CDC26: variants seen among roughly 807,000 people sequenced by gnomAD.
CDC26 encodes anaphase-promoting complex subunit CDC26.
Under a neutral mutation model 8.0 loss-of-function variants are expected in CDC26, and 2 were observed. That is an observed-to-expected ratio of 0.25 (90% CI 0.10 to 0.79). The LOEUF (loss-of-function observed/expected upper bound fraction) is 0.79, where lower values mean the gene tolerates loss of function less well. Among genes scored for constraint, CDC26 ranks in the 30% least tolerant of loss-of-function variants. CDC26 has a pLI of 0.70. For synonymous variants in CDC26, 19 were observed against 34.9 expected, an observed-to-expected ratio of 0.55 and a Z score of 1.60; for missense variants, 68 against 106.0, an observed-to-expected ratio of 0.64 and a Z score of 1.57.
At chr9:113,267,745 T>C (rs1188253299) in intron 3 of CDC26, among the ~76,000 whole-genome samples, 2 of 152,048 alleles carry the variant, frequency 1.3e-5, no homozygotes, top group Admixed American at 6.6e-5. Flanking sequence ...TCCCAGCCCT[T>C]TGGGAGGCTG....
intron 3 of CDC26, among the ~76,000 whole-genome samples, chr9:113,268,504 TAA>T (rs1472905973): frequency 2.0e-5 from 3 of 152,098 alleles, no homozygotes; most frequent in Non-Finnish European, 2.9e-5. Context: ...TAACTTTCTC[TAA>T]GAGAGTGAAA....
chr9:113,270,998 A>G (rs749644810), intron 3 of CDC26, among the ~76,000 whole-genome samples: 41 of 152,150 alleles, frequency 2.7e-4, no homozygotes, highest in Non-Finnish European at 5.3e-4. Context: ...TTATACAGGG[A>G]AAGACGGTTA....
intron 3 of CDC26, among the ~76,000 whole-genome samples, chr9:113,272,155 C>T (rs771118432): frequency 5.3e-5 from 8 of 152,076 alleles, no homozygotes; most frequent in Admixed American, 1.3e-4. Context: ...CAGTGGCTCA[C>T]GCGTGTAATC....
At chr9:113,272,295 T>C (rs1484223420) in intron 3 of CDC26, 132 bp downstream of exon 3, 2 of 688,048 alleles carry the variant, frequency 2.9e-6, no homozygotes, top group East Asian at 5.2e-5. Flanking sequence ...GGCATGAACC[T>C]GTGGTCCCAG....
chr9:113,267,553 G>C, intron 3 of CDC26, 114 bp from the exon 4 acceptor site: 1 of 1,337,184 alleles, frequency 7.5e-7, no homozygotes, highest in African/African-American at 1.5e-5. Flanking sequence ...AGGGTGTAAA[G>C]AACAATAAAC....
intron 1 of CDC26, among the ~76,000 whole-genome samples, chr9:113,274,588 A>T (rs1832025256): frequency 2.6e-5 from 4 of 152,190 alleles, no homozygotes; most frequent in South Asian, 2.1e-4. Flanking sequence ...AAAACTGGCC[A>T]CTAGGGAGCA....
In CDC26 at chr9:113,275,548, A is replaced by G. The variant is rs1832055016; in HGVS notation, c.-318T>C. 1.1e-5 allele frequency: 6 copies of G among 557,312 alleles called. No individual in the cohort carries two copies. In the South Asian group the frequency reaches 1.1e-4, roughly 10 times the overall value. 34.5% of individuals were successfully genotyped at this position (557,312 alleles called of 1,614,324 possible). A position where few individuals can be genotyped will look rare whatever the true frequency, so the allele number is the denominator to read the frequency against. On this transcript the variant is annotated 5_prime_UTR_variant, in exon 1 of 4. Coordinates refer to ENST00000374206, the MANE Select transcript of CDC26 (RefSeq NM_139286.4). ...GAGGTTCTAGGAGGGATGCCCCTCA[A>G]TGCCACGACGCCATTTCCTACTACG...
In CDC26 at chr9:113,275,481, CCT is replaced by C. The variant is rs1246777873; in HGVS notation, c.-253_-252del. On this transcript the variant is annotated 5_prime_UTR_variant, in exon 1 of 4. Coordinates refer to ENST00000374206, the MANE Select transcript of CDC26 (RefSeq NM_139286.4). ...ACTACACTTCCCAGACTGCTTGGAG[CCT>C]CTCTCTCCGCAGAACCTCGTCTTCC... 1.7e-5 allele frequency: 8 copies of C among 478,830 alleles called. No individual in the cohort carries two copies. Among genetic ancestry groups the C allele is most frequent in the Non-Finnish European group, 2.6e-5 (7 of 266,356 alleles). 29.7% of individuals were successfully genotyped at this position (478,830 alleles called of 1,614,324 possible). A position where few individuals can be genotyped will look rare whatever the true frequency, so the allele number is the denominator to read the frequency against.
At chr9:113,268,981 T>C (rs1340145736) in intron 3 of CDC26, among the ~76,000 whole-genome samples, 1 of 152,122 alleles carries the variant, frequency 6.6e-6, no homozygotes, top group Admixed American at 6.5e-5. Flanking sequence ...TCTCAATCTC[T>C]TGACCTCGTG....
chr9:113,270,563 C>T (rs953148084), intron 3 of CDC26, among the ~76,000 whole-genome samples: 1 of 152,184 alleles, frequency 6.6e-6, no homozygotes, highest in Admixed American at 6.5e-5. Context: ...GCAGCATGGA[C>T]GGGAATGACA....
intron 3 of CDC26, among the ~76,000 whole-genome samples, chr9:113,271,680 C>T (rs908386588): frequency 1.3e-5 from 2 of 152,160 alleles, no homozygotes; most frequent in Non-Finnish European, 2.9e-5. Flanking sequence ...TTTCTGTTGT[C>T]TTAAGCGATG....
chr9:113,273,721 G>C (rs548455624), intron 1 of CDC26, among the ~76,000 whole-genome samples: 1 of 149,214 alleles, frequency 6.7e-6, no homozygotes, highest in Non-Finnish European at 1.5e-5. Flanking sequence ...GTGTGTACCT[G>C]TAGTCCTAGC....
chr9:113,273,830 A>G (rs1382042988), intron 1 of CDC26, among the ~76,000 whole-genome samples: 7 of 150,694 alleles, frequency 4.6e-5, no homozygotes, highest in African/African-American at 1.5e-4. Flanking sequence ...TCAAAAAAAA[A>G]AAAAAAAAAA....
At chr9:113,270,619 T>C (rs563501843) in intron 3 of CDC26, among the ~76,000 whole-genome samples, 1 of 151,726 alleles carries the variant, frequency 6.6e-6, no homozygotes, top group Admixed American at 6.6e-5. Flanking sequence ...AATTGAAGAG[T>C]TGACATTTGA....
chr9:113,272,609 T>C lies in CDC26; in HGVS notation c.-41-61A>G, dbSNP rs1831977268. 11 of 805,376 alleles carry C rather than the reference T, an allele frequency of 1.4e-5. No homozygotes were observed. The South Asian group carries it at 1.6e-4, about 12-fold the overall frequency. 49.9% of individuals were successfully genotyped at this position (805,376 alleles called of 1,614,324 possible). Reference sequence around the variant, plus strand: ...GTGATAAAGTCTCAGATACAAAACATAAAATCAATTTGCAAGCATGTATAC... The same window carrying C: ...GTGATAAAGTCTCAGATACAAAACACAAAATCAATTTGCAAGCATGTATAC... On this transcript the variant is annotated intron_variant, in intron 2 of 3. Transcript: ENST00000374206.
intron 3 of CDC26, among the ~76,000 whole-genome samples, chr9:113,268,899 C>T (rs547342061): frequency 6.6e-5 from 10 of 152,290 alleles, no homozygotes; most frequent in Admixed American, 3.3e-4. Flanking sequence ...GGACTACAGG[C>T]GCATGCCAGC....
At chr9:113,274,127 T>C (rs1832012192) in intron 1 of CDC26, among the ~76,000 whole-genome samples, 6 of 152,178 alleles carry the variant, frequency 3.9e-5, no homozygotes, top group South Asian at 2.1e-4. Flanking sequence ...CCCTGTGAAG[T>C]TGACAAAATG....
intron 3 of CDC26, among the ~76,000 whole-genome samples, chr9:113,271,511 T>C (rs1168741250): frequency 6.6e-6 from 1 of 152,028 alleles, no homozygotes. Flanking sequence ...ACTGGAGTGA[T>C]ACAGTCATGA....
At position 113,275,477 on chromosome 9, in the gene CDC26, G is replaced by C. The variant is rs1832052529; in HGVS notation, c.-247C>G. The C allele has an allele frequency of 2.1e-6, 1 of 477,978 alleles. No individual in the cohort carries two copies. Among genetic ancestry groups the C allele is most frequent in the Non-Finnish European group, 3.8e-6 (1 of 265,664 alleles). The allele number at this position is 477,978 out of a possible 1,614,324, so 29.6% of individuals were successfully genotyped here. A position where few individuals can be genotyped will look rare whatever the true frequency, so the allele number is the denominator to read the frequency against. On this transcript the variant is annotated 5_prime_UTR_variant, in exon 1 of 4. Transcript: ENST00000374206. ...CTGGACTACACTTCCCAGACTGCTTGGAGCCTCTCTCTCCGCAGAACCTCG... is the reference window on the plus strand; with the variant it reads ...CTGGACTACACTTCCCAGACTGCTTCGAGCCTCTCTCTCCGCAGAACCTCG...
Sources: allele counts gnomAD v4.1 joint callset (sites outside exome capture counted in the v4.1 genomes callset), GRCh38; gene constraint gnomAD v4.1.1; transcripts MANE v1.5; gene names NCBI Gene and HGNC (gene_info 2026-07-23, HGNC 2026-07-21).